CHSY1: variants seen among roughly 807,000 people sequenced by gnomAD.
CHSY1 encodes the protein chondroitin sulfate synthase 1, also known as N-acetylgalactosaminyl-proteoglycan 3-beta-glucuronosyltransferase 1.
A neutral mutation model predicts 59.8 loss-of-function variants in CHSY1; 13 were observed. That is an observed-to-expected ratio of 0.22 (90% CI 0.14 to 0.35). The LOEUF is 0.35. Among genes scored for constraint, CHSY1 ranks in the 10% least tolerant of loss-of-function variants. The pLI, the probability that CHSY1 is intolerant of heterozygous loss-of-function variation, is 1.00. For synonymous variants in CHSY1, 459 were observed against 401.2 expected (o/e 1.14, Z -1.72); for missense variants, 947 against 1,030.6 (o/e 0.92, Z 1.11).
intron 2 of CHSY1, among the ~76,000 whole-genome samples, chr15:101,221,918 G>C (rs1000448834): frequency 6.6e-6 from 1 of 152,030 alleles, no homozygotes; most frequent in African/African-American, 2.4e-5. Context: ...AGTTCAATGA[G>C]AGAAAACACA....
intron 1 of CHSY1, among the ~76,000 whole-genome samples, chr15:101,249,017 A>C (rs1215656202): frequency 1.4e-5 from 2 of 138,860 alleles, no homozygotes; most frequent in Admixed American, 7.7e-5. Context: ...GTTAGCCAGG[A>C]TGGTCTTGAT....
At chr15:101,225,552 G>A (rs1567102446) in intron 2 of CHSY1, among the ~76,000 whole-genome samples, 2 of 152,078 alleles carry the variant, frequency 1.3e-5, no homozygotes, top group African/African-American at 4.8e-5. Flanking sequence ...CTGTGGTGCT[G>A]TCCTCCTAAC....
chr15:101,215,134 T>C (rs2038718832), intron 2 of CHSY1, among the ~76,000 whole-genome samples: 1 of 152,200 alleles, frequency 6.6e-6, no homozygotes, highest in African/African-American at 2.4e-5. Context: ...CTTCCTGTAC[T>C]GCCTGCAGAA....
At chr15:101,220,632 G>A (rs1319575823) in intron 2 of CHSY1, among the ~76,000 whole-genome samples, 1 of 152,170 alleles carries the variant, frequency 6.6e-6, no homozygotes, top group East Asian at 1.9e-4. Context: ...CAGAGCAGAG[G>A]GACCCTCTGG....
In CHSY1 at chr15:101,178,786, T is replaced by G; in HGVS notation, c.1011A>C (p.Glu337Asp). Residue 337 changes from glutamate (E) to aspartate (D), a missense_variant, in exon 3 of 3, where the codon GAA becomes GAC. Physicochemically the swap from Glu to Asp is conservative, Grantham distance 45 (BLOSUM62 2). Around this residue, in one of 4 missense-constraint regions of CHSY1, gnomAD observed 602 missense variants for 676.9 expected, o/e 0.89. Transcript: ENST00000254190. ...TGCTGTATTTGCTCATCAGGACAAT[T>G]TCGCGGTGCAGCTGTATTGTGCGAT... The part of the protein sequence containing the change: ...LRHRTIQLHR[E>D]IVLMSKYSNT... 1 of 1,614,224 alleles carries G rather than the reference T, an allele frequency of 6.2e-7. No individual in the cohort carries two copies. The highest frequency in any genetic ancestry group is 1.1e-5 in the South Asian group (1 of 91,092).
chr15:101,236,639 G>A (rs1168594869), intron 1 of CHSY1, among the ~76,000 whole-genome samples: 1 of 152,008 alleles, frequency 6.6e-6, no homozygotes, highest in East Asian at 1.9e-4. Flanking sequence ...GTCTAACACG[G>A]TGAAACCCCG....
At chr15:101,220,793 T>C (rs2038780763) in intron 2 of CHSY1, among the ~76,000 whole-genome samples, 2 of 152,252 alleles carry the variant, frequency 1.3e-5, no homozygotes, top group Non-Finnish European at 2.9e-5. Context: ...TTCTCAGTCA[T>C]GGACGTAATC....
At chr15:101,210,675 A>T (rs779954650) in intron 2 of CHSY1, among the ~76,000 whole-genome samples, 2 of 152,228 alleles carry the variant, frequency 1.3e-5, no homozygotes, top group African/African-American at 2.4e-5. Flanking sequence ...ACTCAGCTCA[A>T]TATCTGATTG....
intron 2 of CHSY1, among the ~76,000 whole-genome samples, chr15:101,218,149 C>T (rs1379211563): frequency 1.3e-5 from 2 of 152,194 alleles, no homozygotes; most frequent in African/African-American, 4.8e-5. Context: ...TCAAAACCGT[C>T]AAGATCATCA....
chr15:101,186,249 G>C (rs987512095), intron 2 of CHSY1, among the ~76,000 whole-genome samples: 2 of 151,724 alleles, frequency 1.3e-5, no homozygotes, highest in African/African-American at 4.8e-5. Flanking sequence ...GAGTCTGGGA[G>C]GCGGAGGTTG....
At chr15:101,227,843 C>G (rs1405541193) in intron 2 of CHSY1, among the ~76,000 whole-genome samples, 1 of 152,172 alleles carries the variant, frequency 6.6e-6, no homozygotes, top group Non-Finnish European at 1.5e-5. Context: ...GTAGAGACTT[C>G]CGTGGCCACA....
chr15:101,216,015 A>G (rs1285037118), intron 2 of CHSY1, among the ~76,000 whole-genome samples: 1 of 152,226 alleles, frequency 6.6e-6, no homozygotes, highest in Non-Finnish European at 1.5e-5. Context: ...ACAATTTTCC[A>G]TATGCTCATT....
At position 101,176,265 on chromosome 15, in the gene CHSY1, C is replaced by CA. The variant is rs2038186724; in HGVS notation, c.*1122dup. The CA allele has an allele frequency of 2.5e-6, 1 of 398,240 alleles. No homozygotes were observed. Among genetic ancestry groups the CA allele is most frequent in the Non-Finnish European group, 4.4e-6 (1 of 225,980 alleles). 24.7% of individuals were successfully genotyped at this position (398,240 alleles called of 1,614,324 possible). On this transcript the variant is annotated 3_prime_UTR_variant, in exon 3 of 3. Coordinates refer to ENST00000254190, the MANE Select transcript of CHSY1 (RefSeq NM_014918.5). ...GGTATTTCAGATACAAAGGATAAAA[C>CA]AAAACAGTAATGAAAGAATGAAAAC...
At chr15:101,192,793 T>A (rs2038461241) in intron 2 of CHSY1, among the ~76,000 whole-genome samples, 1 of 152,180 alleles carries the variant, frequency 6.6e-6, no homozygotes, top group Non-Finnish European at 1.5e-5. Context: ...TCATCCTACA[T>A]GTATTTCCAA....
chr15:101,231,941 C>G (rs1423558898), intron 2 of CHSY1, among the ~76,000 whole-genome samples: 2 of 152,226 alleles, frequency 1.3e-5, no homozygotes. Context: ...CCTCCCAGCT[C>G]TTCCCCAGCC....
At chr15:101,208,522 G>A (rs540434029) in intron 2 of CHSY1, among the ~76,000 whole-genome samples, 1 of 152,160 alleles carries the variant, frequency 6.6e-6, no homozygotes, top group South Asian at 2.1e-4. Context: ...AGACCAGCCT[G>A]ACCAACATGG....
intron 2 of CHSY1, among the ~76,000 whole-genome samples, chr15:101,218,606 T>A (rs955938166): frequency 6.6e-6 from 1 of 152,056 alleles, no homozygotes; most frequent in Non-Finnish European, 1.5e-5. Flanking sequence ...AATAAAACTC[T>A]CCTAAAGTTA....
intron 1 of CHSY1, among the ~76,000 whole-genome samples, chr15:101,248,347 G>A (rs144777333): frequency 3.2e-4 from 49 of 152,308 alleles, no homozygotes; most frequent in African/African-American, 9.6e-4. Context: ...GGCTAAAATC[G>A]TCTTGTGCCA....
chr15:101,206,351 T>C (rs535512937), intron 2 of CHSY1, among the ~76,000 whole-genome samples: 3 of 152,052 alleles, frequency 2.0e-5, no homozygotes, highest in African/African-American at 7.2e-5. Context: ...TATGATCCAC[T>C]GAAGAGAACC....
Sources: gnomAD v4.1 joint callset for allele counts (sites outside exome capture counted in the v4.1 genomes callset) on GRCh38, gnomAD v4.1.1 for gene constraint, gnomAD v4.1.1 regional missense constraint, MANE v1.5 for transcripts, NCBI Gene and HGNC (gene_info 2026-07-23, HGNC 2026-07-21) for gene names.